The following RND1 variants were observed in gnomAD, a reference collection of about 807,000 sequenced individuals.
RND1 encodes the protein rho-related GTP-binding protein Rho6.
In RND1, 9 loss-of-function variants were observed where a neutral mutation model predicts 27.1. That is an observed-to-expected ratio of 0.33 (90% CI 0.20 to 0.58). The LOEUF (loss-of-function observed/expected upper bound fraction) is 0.58. Among genes scored for constraint, RND1 ranks in the 20% least tolerant of loss-of-function variants. RND1 has a pLI of 0.86. For missense variants in RND1, 253 were observed against 292.2 expected (o/e 0.87, Z 0.98); for synonymous variants, 108 against 115.7 (o/e 0.93, Z 0.43).
chr12:48,865,835 C>G lies in RND1; in HGVS notation c.-68G>C, dbSNP rs1319503800. ...GGGTTGCGCCAGGTGCGTCTCAGCA[C>G]GCCAATCAAGCCAGATTCCCTGCCT... On this transcript the variant is annotated 5_prime_UTR_variant, in exon 1 of 5. Coordinates refer to ENST00000309739, the MANE Select transcript of RND1 (RefSeq NM_014470.4). The G allele has an allele frequency of 2.6e-6, 4 of 1,526,010 alleles. No individual in the cohort carries two copies. In the African/African-American group the frequency reaches 4.1e-5, roughly 16 times the overall value. The allele number at this position is 1,526,010 out of a possible 1,614,324, so 94.5% of individuals were successfully genotyped here.
chr12:48,865,412 C>T (rs1938972903), intron 1 of RND1: 10 of 550,532 alleles, frequency 1.8e-5, no homozygotes, highest in Non-Finnish European at 3.3e-5. Context: ...TCTGATGGGT[C>T]CTCTGGGTGA....
intron 4 of RND1, 150 bp from the exon 5 acceptor site, chr12:48,858,391 T>C (rs1016234244): frequency 2.2e-5 from 6 of 272,186 alleles, no homozygotes; most frequent in African/African-American, 9.6e-5. Context: ...TATCTTTTCT[T>C]TTTTTTTTTT....
intron 1 of RND1, 165 bp downstream of exon 1, chr12:48,865,483 C>G: frequency 2.6e-6 from 2 of 769,794 alleles, no homozygotes; most frequent in Non-Finnish European, 4.3e-6. Context: ...GAAGCTAAGG[C>G]AGGGCAGTCC....
Position 48,857,850 on chromosome 12 carries a change from C to A in RND1, c.*146G>T. 9 of 949,448 alleles carry A rather than the reference C, an allele frequency of 9.5e-6. No individual in the cohort carries two copies. Among genetic ancestry groups the A allele is most frequent in the Non-Finnish European group, 1.4e-5 (9 of 658,826 alleles). 58.8% of individuals were successfully genotyped at this position (949,448 alleles called of 1,614,324 possible). A position where few individuals can be genotyped will look rare whatever the true frequency, so the allele number is the denominator to read the frequency against. The stretch of plus-strand genomic sequence containing the variant: ...ATGCCGGGCCTGGCTCCTTCCTCGC[C>A]CCATTCCTGTCTCCTTCCAAGCCCT... On this transcript the variant is annotated 3_prime_UTR_variant, in exon 5 of 5. Transcript: ENST00000309739.
intron 2 of RND1, among the ~76,000 whole-genome samples, chr12:48,864,414 T>TGCGCGCGC (rs1296870474): frequency 9.2e-6 from 1 of 109,232 alleles, no homozygotes; most frequent in African/African-American, 3.4e-5. Context: ...TGTGTGTGTG[T>TGCGCGCGC]GTGCGCGCGC....
Position 48,864,811 on chromosome 12 carries a change from C to G in RND1, c.180G>C (p.Arg60Ser), listed in dbSNP as rs1448546419. ...AGGTATCCCAGAGACTAAGCTCCAC[C>G]CTCTGTTCCTCTGTCTCCAAACAGG... ...YTACLETEEQ[R>S]VELSLWDTSG... Residue 60 changes from arginine to serine, a missense_variant, in exon 2 of 5, where the codon AGG (arginine) becomes AGC (serine). By Grantham distance (110) the Arg-to-Ser change is moderately radical. Coordinates refer to ENST00000309739, the MANE Select transcript of RND1 (RefSeq NM_014470.4). The G allele has an allele frequency of 2.5e-6, 4 of 1,613,880 alleles. No homozygotes were observed. Among genetic ancestry groups the G allele is most frequent in the Non-Finnish European group, 3.4e-6 (4 of 1,179,800 alleles).
intron 2 of RND1, among the ~76,000 whole-genome samples, chr12:48,863,048 C>T (rs1938937783): frequency 6.6e-6 from 1 of 152,144 alleles, no homozygotes; most frequent in Non-Finnish European, 1.5e-5. Context: ...AAGCCTCCTC[C>T]ATCCCTTTCT....
intron 4 of RND1, 161 bp from the exon 5 acceptor site, chr12:48,858,402 T>A (rs930399548): frequency 2.5e-6 from 2 of 796,742 alleles, no homozygotes; most frequent in African/African-American, 3.5e-5. Flanking sequence ...TTTTTTTTTT[T>A]TTTTTGGCAT....
intron 2 of RND1, among the ~76,000 whole-genome samples, chr12:48,863,434 G>A (rs1393085747): frequency 1.3e-5 from 2 of 152,096 alleles, no homozygotes; most frequent in Non-Finnish European, 2.9e-5. Context: ...GAGGTGGGGG[G>A]AGGGCGTTTG....
intron 4 of RND1, 124 bp from the exon 5 acceptor site, chr12:48,858,365 C>A: frequency 1.0e-6 from 1 of 958,398 alleles, no homozygotes; most frequent in Non-Finnish European, 1.5e-6. Flanking sequence ...ACACCACCCT[C>A]TGCAGATTAT....
At chr12:48,860,362 C>T (rs1938904401) in intron 4 of RND1, among the ~76,000 whole-genome samples, 1 of 151,980 alleles carries the variant, frequency 6.6e-6, no homozygotes, top group Admixed American at 6.6e-5. Context: ...GGATTACAGG[C>T]GTGAGCCACC....
intron 3 of RND1, among the ~76,000 whole-genome samples, chr12:48,861,780 G>C (rs570568434): frequency 6.6e-6 from 1 of 152,100 alleles, no homozygotes; most frequent in South Asian, 2.1e-4. Flanking sequence ...CCTCCCTTGC[G>C]GGGCCTCTGG....
At chr12:48,859,469 G>A (rs1243515200) in intron 4 of RND1, among the ~76,000 whole-genome samples, 1 of 152,030 alleles carries the variant, frequency 6.6e-6, no homozygotes, top group Non-Finnish European at 1.5e-5. Flanking sequence ...GAACCCGGGA[G>A]GCAGAGGTTG....
chr12:48,865,019 T>C, intron 1 of RND1, 149 bp from the exon 2 acceptor site: 2 of 684,430 alleles, frequency 2.9e-6, no homozygotes, highest in Non-Finnish European at 5.3e-6. Flanking sequence ...GGGAAGGGAC[T>C]GTGGAGGACC....
In RND1 at chr12:48,861,095, G is replaced by A. The variant is rs370916812; in HGVS notation, c.355C>T (p.Arg119Cys). 3.0e-5 allele frequency: 49 copies of A among 1,613,780 alleles called. No homozygotes were observed. Among genetic ancestry groups the A allele is most frequent in the South Asian group, 9.9e-5 (9 of 91,074 alleles). ...TEILDYCPST[R>C]VLLIGCKTDL... Reference sequence around the variant, plus strand: ...GTCTTGCAGCCAATGAGCAAAACGCGGGTGCTGGGACAATAATCTAGGATT... The same window carrying A: ...GTCTTGCAGCCAATGAGCAAAACGCAGGTGCTGGGACAATAATCTAGGATT... Residue 119 changes from arginine to cysteine, a missense_variant, in exon 4 of 5, where the codon CGC (arginine) becomes TGC (cysteine). By Grantham distance (180) the Arg-to-Cys change is radical (BLOSUM62 -3). Coordinates refer to ENST00000309739, the MANE Select transcript of RND1 (RefSeq NM_014470.4).
At chr12:48,864,227 G>A (rs906105458) in intron 2 of RND1, among the ~76,000 whole-genome samples, 10 of 152,058 alleles carry the variant, frequency 6.6e-5, no homozygotes, top group Non-Finnish European at 1.5e-4. Flanking sequence ...GCTGAGCTGC[G>A]GCAGGAGGAC....
Position 48,865,784 on chromosome 12 carries a change from G to A in RND1, c.-17C>T. On this transcript the variant is annotated 5_prime_UTR_variant, in exon 1 of 5. Coordinates refer to ENST00000309739, the MANE Select transcript of RND1 (RefSeq NM_014470.4). Reference sequence around the variant, plus strand: ...CTCCTTCATGGTTGCAGTGTCCGCGGGACTTGAACTTCGATTCAGAAGGGA... The same window carrying A: ...CTCCTTCATGGTTGCAGTGTCCGCGAGACTTGAACTTCGATTCAGAAGGGA... 1 of 1,572,236 alleles carries A rather than the reference G, an allele frequency of 6.4e-7. No homozygotes were observed. Among genetic ancestry groups the A allele is most frequent in the Non-Finnish European group, 8.7e-7 (1 of 1,153,222 alleles).
At position 48,862,076 on chromosome 12, in the gene RND1, T is replaced by G; in HGVS notation, c.251A>C (p.Asp84Ala). Reference protein sequence around the residue: ...YDNVRPLCYSDSDAVLLCFDI... With the variant: ...YDNVRPLCYSASDAVLLCFDI... ...AAAACATAGTAATACTGCATCCGAG[T>G]CGCTGTAGCAGAGTGGACGGACATT... Residue 84 changes from aspartate to alanine, a missense_variant, in exon 3 of 5, where the codon GAC (aspartate) becomes GCC (alanine). Coordinates refer to ENST00000309739, the MANE Select transcript of RND1 (RefSeq NM_014470.4). The G allele has an allele frequency of 6.2e-7, 1 of 1,613,538 alleles. No homozygotes were observed. The highest frequency in any genetic ancestry group is 8.5e-7 in the Non-Finnish European group (1 of 1,179,638).
chr12:48,858,389 C>CTT (rs566310279), intron 4 of RND1, 148 bp from the exon 5 acceptor site: 2,706 of 538,312 alleles, frequency 5.0e-3, no homozygotes, highest in Middle Eastern at 7.1e-3. Flanking sequence ...ATTATCTTTT[C>CTT]TTTTTTTTTT....
Sources: allele counts gnomAD v4.1 joint callset (sites outside exome capture counted in the v4.1 genomes callset), GRCh38; gene constraint gnomAD v4.1.1; transcripts MANE v1.5; gene names NCBI Gene and HGNC (gene_info 2026-07-23, HGNC 2026-07-21).